Variants in RBFOX2 observed in about 807,000 individuals in gnomAD.
RBFOX2 encodes RNA binding fox-1 homolog 2, also known as RNA binding protein fox-1 homolog 2.
A neutral mutation model predicts 49.1 loss-of-function variants in RBFOX2; 10 were observed. The observed-to-expected ratio is 0.20, with a 90% CI of 0.13 to 0.35. The LOEUF (loss-of-function observed/expected upper bound fraction) is 0.35. Ranked by LOEUF, RBFOX2 falls within the 10% of genes least tolerant of loss-of-function variation. The pLI is 1.00. For synonymous variants in RBFOX2, 183 were observed against 187.4 expected (o/e 0.98, Z 0.19); for missense variants, 323 against 486.9 (o/e 0.66, Z 3.17).
chr22:35,965,924 G>A (rs2056533210), upstream of RBFOX2, among the ~76,000 whole-genome samples: 1 of 152,084 alleles, frequency 6.6e-6, no homozygotes, highest in Non-Finnish European at 1.5e-5. Context: ...AAACCTAAGT[G>A]CATAACTCAA....
intron 1 of RBFOX2, among the ~76,000 whole-genome samples, chr22:35,874,192 C>G (rs2044717459): frequency 6.6e-6 from 1 of 152,138 alleles, no homozygotes; most frequent in South Asian, 2.1e-4. Context: ...TGTGAGGAAA[C>G]CTGCCTAGCG....
intron 1 of RBFOX2, among the ~76,000 whole-genome samples, chr22:35,886,033 T>C (rs1316438917): frequency 1.3e-5 from 2 of 151,786 alleles, no homozygotes; most frequent in Non-Finnish European, 2.9e-5. Flanking sequence ...ATTTTTTGTA[T>C]TTTTAGTAGA....
upstream of RBFOX2, among the ~76,000 whole-genome samples, chr22:35,962,069 A>G (rs180979869): frequency 4.6e-5 from 7 of 152,350 alleles, no homozygotes; most frequent in East Asian, 1.2e-3. Flanking sequence ...ACTATGCAAA[A>G]AAACAGTTGG....
chr22:36,001,702 C>T (rs1439600050), intron 1 of RBFOX2, among the ~76,000 whole-genome samples: 2 of 152,160 alleles, frequency 1.3e-5, no homozygotes. Context: ...TTCAAGGTTA[C>T]AGTAAGTTAT....
At chr22:35,868,954 T>G (rs1166200979) in intron 1 of RBFOX2, among the ~76,000 whole-genome samples, 1 of 152,202 alleles carries the variant, frequency 6.6e-6, no homozygotes, top group Non-Finnish European at 1.5e-5. Flanking sequence ...TACTTCCTAA[T>G]GCTACCTCTT....
chr22:35,852,847 A>T (rs1175642083), intron 1 of RBFOX2, among the ~76,000 whole-genome samples: 2 of 152,242 alleles, frequency 1.3e-5, no homozygotes, highest in East Asian at 3.8e-4. Context: ...TTTAAGATGA[A>T]AGACTGTAAT....
intron 2 of RBFOX2, among the ~76,000 whole-genome samples, chr22:35,803,651 T>C (rs1002077280): frequency 2.6e-5 from 4 of 152,100 alleles, no homozygotes; most frequent in African/African-American, 9.7e-5. Context: ...CACTCCAGCC[T>C]GGGTGACAAA....
intron 2 of RBFOX2, among the ~76,000 whole-genome samples, chr22:35,789,765 G>A (rs1367506286): frequency 6.6e-6 from 1 of 152,116 alleles, no homozygotes; most frequent in Non-Finnish European, 1.5e-5. Context: ...CCTACTCCCT[G>A]TAACGTGGTG....
chr22:35,805,697 A>G (rs1177954624), intron 2 of RBFOX2, among the ~76,000 whole-genome samples: 1 of 152,214 alleles, frequency 6.6e-6, no homozygotes, highest in East Asian at 1.9e-4. Context: ...AGCTTTATTC[A>G]TAACTGCCAA....
chr22:35,913,105 A>AT (rs1014938849), intron 1 of RBFOX2, among the ~76,000 whole-genome samples: 3 of 77,440 alleles, frequency 3.9e-5, no homozygotes, highest in East Asian at 7.1e-4. Flanking sequence ...TTCTACTGTA[A>AT]TTTTTTTTTA....
intron 1 of RBFOX2, among the ~76,000 whole-genome samples, chr22:35,937,349 C>G (rs140548501): frequency 6.6e-6 from 1 of 152,072 alleles, no homozygotes; most frequent in Non-Finnish European, 1.5e-5. Flanking sequence ...GGGTAAATGG[C>G]CCTATCTTTT....
chr22:35,951,469 T>A (rs2054929897), intron 1 of RBFOX2, among the ~76,000 whole-genome samples: 1 of 151,780 alleles, frequency 6.6e-6, no homozygotes, highest in South Asian at 2.1e-4. Context: ...GGTTTTGAAC[T>A]CCCAACCACA....
chr22:35,905,983 C>T lies in RBFOX2; in HGVS notation c.-34+32864G>A, dbSNP rs118148134. On this transcript the variant is annotated intron_variant, in intron 1 of 13. Coordinates refer to the RBFOX2 transcript ENST00000359369. ...AGTAACATGCTGTACTGGTTTGCAG[C>T]CTAAAGGCATTAGGCTGTACCATAT... Among the ~76,000 whole-genome samples, 257 of 152,078 alleles carry T rather than the reference C, an allele frequency of 1.7e-3. 3 individuals are homozygous for T. In the East Asian group the frequency reaches 0.043, roughly 25 times the overall value.
intron 1 of RBFOX2, among the ~76,000 whole-genome samples, chr22:35,985,804 C>T (rs925376504): frequency 6.6e-6 from 1 of 151,966 alleles, no homozygotes; most frequent in Admixed American, 6.6e-5. Context: ...CCAATCAGAT[C>T]ACAGAAGGTG....
At chr22:35,931,114 T>TC (rs1251306572) in intron 1 of RBFOX2, among the ~76,000 whole-genome samples, 1 of 152,076 alleles carries the variant, frequency 6.6e-6, no homozygotes, top group Non-Finnish European at 1.5e-5. Context: ...CAGACCTTCA[T>TC]CCACTAGAGG....
intron 2 of RBFOX2, among the ~76,000 whole-genome samples, chr22:35,789,126 C>T (rs1947046232): frequency 6.6e-6 from 1 of 152,124 alleles, no homozygotes; most frequent in South Asian, 2.1e-4. Context: ...ATCCCACCCA[C>T]ATACAATGAG....
chr22:35,806,450 A>T (rs1950756442), intron 2 of RBFOX2, among the ~76,000 whole-genome samples: 1 of 152,212 alleles, frequency 6.6e-6, no homozygotes, highest in Admixed American at 6.5e-5. Flanking sequence ...TGCTATATTT[A>T]ACCAGAATAA....
At chr22:35,824,069 A>T (rs1182801617) in intron 1 of RBFOX2, among the ~76,000 whole-genome samples, 1 of 152,112 alleles carries the variant, frequency 6.6e-6, no homozygotes, top group Non-Finnish European at 1.5e-5. Flanking sequence ...GATTCGCTTC[A>T]ACTCAGGAGA....
chr22:35,928,750 A>G (rs750953273), intron 1 of RBFOX2, among the ~76,000 whole-genome samples: 46 of 152,212 alleles, frequency 3.0e-4, no homozygotes, highest in Admixed American at 1.1e-3. Context: ...TTACAACTCA[A>G]TAAGAAGAAA....
Sources: allele counts gnomAD v4.1 joint callset (sites outside exome capture counted in the v4.1 genomes callset), GRCh38; gene constraint gnomAD v4.1.1; transcripts MANE v1.5; gene names NCBI Gene and HGNC (gene_info 2026-07-23, HGNC 2026-07-21).